MTAP: variants seen among roughly 807,000 people sequenced by gnomAD.
The protein encoded by MTAP is methylthioadenosine phosphorylase, also known as S-methyl-5'-thioadenosine phosphorylase.
Under a neutral mutation model 33.6 loss-of-function variants are expected in MTAP, and 33 were observed. That is an observed-to-expected ratio of 0.98 (90% confidence interval 0.74 to 1.31). The LOEUF (loss-of-function observed/expected upper bound fraction) is 1.31, where lower values mean the gene tolerates loss of function less well. Among genes scored for constraint, MTAP ranks in the 40% most tolerant of loss-of-function variants. MTAP has a pLI of 0.00. For synonymous variants in MTAP, 148 were observed against 125.7 expected (o/e 1.18, Z -1.19); for missense variants, 367 against 360.0 (o/e 1.02, Z -0.16).
chr9:21,899,588 CCTT>C (rs766273951), intron 1 of MTAP, among the ~76,000 whole-genome samples: 1 of 152,100 alleles, frequency 6.6e-6, no homozygotes, highest in Non-Finnish European at 1.5e-5. Flanking sequence ...AAGCAAGACA[CCTT>C]CTTTACAGGG....
At chr9:21,810,465 C>T (rs2117958218) in intron 1 of MTAP, among the ~76,000 whole-genome samples, 1 of 152,292 alleles carries the variant, frequency 6.6e-6, no homozygotes, top group African/African-American at 2.4e-5. Flanking sequence ...AACCCACTCT[C>T]ACTGGAACTA....
chr9:21,855,004 T>C, intron 6 of MTAP, 134 bp downstream of exon 6: 1 of 1,210,178 alleles, frequency 8.3e-7, no homozygotes, highest in Admixed American at 2.6e-5. Context: ...TAATATTTTC[T>C]GTAGTTCCAT....
intron 1 of MTAP, among the ~76,000 whole-genome samples, chr9:21,929,197 C>T (rs533779864): frequency 1.0e-3 from 159 of 152,196 alleles, no homozygotes; most frequent in African/African-American, 3.7e-3. Flanking sequence ...AACACCAGAG[C>T]CAGAACCAAC....
At chr9:21,842,906 A>G (rs988471751) in intron 5 of MTAP, among the ~76,000 whole-genome samples, 3 of 152,224 alleles carry the variant, frequency 2.0e-5, no homozygotes, top group African/African-American at 4.8e-5. Flanking sequence ...ACAGTACCTC[A>G]CATCCCAATA....
chr9:21,862,320 G>T lies in MTAP; in HGVS notation c.*306G>T. 1 of 342,154 alleles carries T rather than the reference G, an allele frequency of 2.9e-6. No homozygotes were observed. The highest frequency in any genetic ancestry group is 4.8e-6 in the Non-Finnish European group (1 of 209,588). 21.2% of individuals were successfully genotyped at this position (342,154 alleles called of 1,614,324 possible). ...ATTAAATTTGCAACAATAAAGGGTGGAGGGTAATCTCTACTTTCCTATACT... is the reference window on the plus strand; with the variant it reads ...ATTAAATTTGCAACAATAAAGGGTGTAGGGTAATCTCTACTTTCCTATACT... On this transcript the variant is annotated 3_prime_UTR_variant, in exon 8 of 8. Transcript: ENST00000644715.
chr9:21,933,643 T>A (rs1818998407), downstream of MTAP: 1 of 152,232 alleles, frequency 6.6e-6, no homozygotes, highest in Non-Finnish European at 1.5e-5. Context: ...AGCCATCCTT[T>A]AGATAATCTT....
chr9:21,835,965 A>G (rs779073373), intron 4 of MTAP, among the ~76,000 whole-genome samples: 15 of 152,188 alleles, frequency 9.9e-5, no homozygotes, highest in Non-Finnish European at 2.2e-4. Context: ...TCTTGATAGT[A>G]TAGCCCAAAA....
At chr9:21,889,400 C>T (rs1252483047) in intron 1 of MTAP, among the ~76,000 whole-genome samples, 2 of 151,730 alleles carry the variant, frequency 1.3e-5, no homozygotes, top group African/African-American at 2.4e-5. Context: ...TCAGAGATTT[C>T]GACTTAGTTT....
intron 3 of MTAP, 66 bp downstream of exon 3, chr9:21,816,838 GA>G: frequency 7.2e-7 from 1 of 1,394,352 alleles, no homozygotes. Context: ...TTAAATTCTG[GA>G]AAGAGTAAAG....
chr9:21,864,786 C>G lies in MTAP; in HGVS notation c.*2772C>G. Reference sequence around the variant, plus strand: ...AGGTGACCTCCAACCTGCCCTGAGCCAGCTGCCCTGCAGGTGCCACGTGAG... The same window carrying G: ...AGGTGACCTCCAACCTGCCCTGAGCGAGCTGCCCTGCAGGTGCCACGTGAG... On this transcript the variant is annotated 3_prime_UTR_variant, in exon 8 of 8. Transcript: ENST00000644715. 1.0e-6 allele frequency: 1 copy of G among 985,472 alleles called. No individual in the cohort carries two copies. The highest frequency in any genetic ancestry group is 1.2e-6 in the Non-Finnish European group (1 of 829,972). The allele number at this position is 985,472 out of a possible 1,614,324, so 61.0% of individuals were successfully genotyped here. A position where few individuals can be genotyped will look rare whatever the true frequency, so the allele number is the denominator to read the frequency against.
chr9:21,927,457 A>T (rs146391534), intron 1 of MTAP, among the ~76,000 whole-genome samples: 27 of 152,340 alleles, frequency 1.8e-4, no homozygotes, highest in Middle Eastern at 3.4e-3. Flanking sequence ...CCCACAGGTA[A>T]CAGTTGAGTG....
chr9:21,914,554 TCTCA>T (rs1317361171), intron 1 of MTAP, among the ~76,000 whole-genome samples: 7 of 147,140 alleles, frequency 4.8e-5, no homozygotes, highest in Non-Finnish European at 1.0e-4. Context: ...CACCGCGTGT[TCTCA>T]CTCATAGGTG....
chr9:21,832,711 A>G (rs910518436), intron 4 of MTAP, among the ~76,000 whole-genome samples: 2 of 152,220 alleles, frequency 1.3e-5, no homozygotes, highest in Non-Finnish European at 2.9e-5. Flanking sequence ...ACTTCCCATC[A>G]TACATCCTTT....
intron 1 of MTAP, among the ~76,000 whole-genome samples, chr9:21,873,504 C>T (rs938343579): frequency 6.6e-6 from 1 of 152,024 alleles, no homozygotes; most frequent in East Asian, 1.9e-4. Context: ...CTCTTTTGCC[C>T]CTTCTGCCAT....
At chr9:21,803,625 T>C (rs1824127670) in intron 1 of MTAP, among the ~76,000 whole-genome samples, 1 of 152,142 alleles carries the variant, frequency 6.6e-6, no homozygotes, top group African/African-American at 2.4e-5. Flanking sequence ...TTTAAACACT[T>C]CTCTCCTGGT....
intron 1 of MTAP, among the ~76,000 whole-genome samples, chr9:21,876,023 G>C (rs548761201): frequency 2.0e-5 from 3 of 151,918 alleles, no homozygotes; most frequent in African/African-American, 7.3e-5. Context: ...CCACAACCTC[G>C]TCAGCATCTG....
chr9:21,838,680 G>A (rs988446190), intron 5 of MTAP, among the ~76,000 whole-genome samples: 16 of 152,210 alleles, frequency 1.1e-4, no homozygotes, highest in Non-Finnish European at 2.1e-4. Context: ...GCCCCACAAG[G>A]GCCAGTGGTG....
intron 1 of MTAP, among the ~76,000 whole-genome samples, chr9:21,905,617 G>A (rs1444748882): frequency 1.3e-5 from 2 of 149,000 alleles, no homozygotes; most frequent in African/African-American, 5.1e-5. Flanking sequence ...AAGTGCATAG[G>A]TGAGAGTTCA....
Position 21,862,618 on chromosome 9 carries a change from A to G in MTAP, c.*604A>G, listed in dbSNP as rs1825776165. 1 of 152,260 alleles carries G rather than the reference A, an allele frequency of 6.6e-6. No individual in the cohort carries two copies. Among genetic ancestry groups the G allele is most frequent in the Non-Finnish European group, 1.5e-5 (1 of 68,076 alleles). The allele number at this position is 152,260 out of a possible 1,614,324, so 9.4% of individuals were successfully genotyped here. A position where few individuals can be genotyped will look rare whatever the true frequency, so the allele number is the denominator to read the frequency against. On this transcript the variant is annotated 3_prime_UTR_variant, in exon 8 of 8. Coordinates refer to ENST00000644715, the MANE Select transcript of MTAP (RefSeq NM_002451.4). ...ATCTGAATCCCTTGCAATTGGAGGTAAATTATGTCTTAGTTATAATTAGAT... is the reference window on the plus strand; with the variant it reads ...ATCTGAATCCCTTGCAATTGGAGGTGAATTATGTCTTAGTTATAATTAGAT...
Sources: gnomAD v4.1 joint callset for allele counts (sites outside exome capture counted in the v4.1 genomes callset) on GRCh38, gnomAD v4.1.1 for gene constraint, MANE v1.5 for transcripts, NCBI Gene and HGNC (gene_info 2026-07-23, HGNC 2026-07-21) for gene names.